Variants in LCN9 observed in about 807,000 individuals in gnomAD.
LCN9 encodes lipocalin 9.
LCN9 carries 22 observed loss-of-function variants against 18.5 expected under a neutral mutation model. The observed-to-expected ratio is 1.19, with a 90% confidence interval of 0.85 to 1.70. The LOEUF (loss-of-function observed/expected upper bound fraction) is 1.70, where lower values mean the gene tolerates loss of function less well. Among genes scored for constraint, LCN9 ranks in the 40% most tolerant of loss-of-function variants. The probability of loss-of-function intolerance (pLI) is 0.00; values close to 1 mark genes in which losing one functional copy is unlikely to be tolerated. For missense variants in LCN9, 202 were observed against 201.3 expected (o/e 1.00, Z -0.02); for synonymous variants, 89 against 83.0 (o/e 1.07, Z -0.39).
In LCN9 at chr9:135,665,737, G is replaced by A. The variant is rs201348412; in HGVS notation, c.468G>A (p.Ser156=). 412 of 1,613,478 alleles carry A rather than the reference G, an allele frequency of 2.6e-4. 1 individual carries two copies. Among genetic ancestry groups the A allele is most frequent in the Non-Finnish European group, 3.1e-4 (360 of 1,179,716 alleles). Residue 156 remains serine (S), a synonymous_variant, in exon 5 of 6, where the codon TCG becomes TCA. Transcript: ENST00000619315. This position sits in a 1 kb window ranked among gnomAD's most constrained non-coding sequence, Gnocchi z 5.9. ...CGGACTTGGCTCACAAAATATCATCGACTTGACCAACAAAGGTCAGCCCCA... is the reference window on the plus strand; with the variant it reads ...CGGACTTGGCTCACAAAATATCATCAACTTGACCAACAAAGGTCAGCCCCA...
In LCN9 at chr9:135,664,516, C is replaced by T. The variant is rs1301724522; in HGVS notation, c.234-206C>T. Among the ~76,000 whole-genome samples, 4 of 152,014 alleles carry T rather than the reference C, an allele frequency of 2.6e-5. No homozygotes were observed. The highest frequency in any genetic ancestry group is 2.1e-4 in the South Asian group (1 of 4,806). ...CTTCCCTGAAACATAGAGATGAAATCGCCCCCTTCCAAGGCTGGGGTGAGG... is the reference window on the plus strand; with the variant it reads ...CTTCCCTGAAACATAGAGATGAAATTGCCCCCTTCCAAGGCTGGGGTGAGG... On this transcript the variant is annotated intron_variant, in intron 2 of 5. Transcript: ENST00000619315. The surrounding 1 kb of genome is among the most constrained non-coding windows in gnomAD (Gnocchi z 4.5).
chr9:135,663,510 C>A (rs961250818), intron 1 of LCN9, 93 bp downstream of exon 1: 20 of 961,140 alleles, frequency 2.1e-5, no homozygotes, highest in Non-Finnish European at 2.9e-5. Flanking sequence ...ACCAGGGCAA[C>A]TGGTCCAAGG....
chr9:135,664,790 T>C lies in LCN9; in HGVS notation c.302T>C (p.Ile101Thr). Residue 101 changes from isoleucine (I) to threonine (T), a missense_variant, in exon 3 of 6, where the codon ATC becomes ACC. Physicochemically the swap from Ile to Thr is moderately conservative, Grantham distance 89 (BLOSUM62 -1). Coordinates refer to ENST00000619315, the Ensembl canonical transcript of LCN9. This position sits in a 1 kb window ranked among gnomAD's most constrained non-coding sequence, Gnocchi z 4.5. ...ACAGAGAAGAATGGGGAATACTCCA[T>C]CAACTGTAAGTGGAAGCCAGGCTCC... is the stretch of plus-strand genomic sequence containing the variant. The C allele has an allele frequency of 1.3e-6, 2 of 1,585,820 alleles. No individual in the cohort carries two copies. The highest frequency in any genetic ancestry group is 1.7e-6 in the Non-Finnish European group (2 of 1,166,272).
chr9:135,664,100 G>A lies in LCN9; in HGVS notation c.97-62G>A. On this transcript the variant is annotated intron_variant, in intron 1 of 5. Transcript: ENST00000619315. This position sits in a 1 kb window ranked among gnomAD's most constrained non-coding sequence, Gnocchi z 4.5. ...CCGGGCCCTGGGAGGGAAGACTGTGGGCGCTAAGCATCCCCAGGGCTGTCC... is the reference window on the plus strand; with the variant it reads ...CCGGGCCCTGGGAGGGAAGACTGTGAGCGCTAAGCATCCCCAGGGCTGTCC... 1 of 1,583,682 alleles carries A rather than the reference G, an allele frequency of 6.3e-7. No homozygotes were observed. The highest frequency in any genetic ancestry group is 8.6e-7 in the Non-Finnish European group (1 of 1,162,456).
chr9:135,663,733 G>A (rs1180213001), intron 1 of LCN9, among the ~76,000 whole-genome samples: 1 of 149,112 alleles, frequency 6.7e-6, no homozygotes, highest in Non-Finnish European at 1.5e-5. Flanking sequence ...AGAAGTATAG[G>A]GGAGACCTAG....
chr9:135,666,713 C>T lies in LCN9; in HGVS notation c.*862C>T, dbSNP rs185783384. 3.6e-3 allele frequency among the ~76,000 whole-genome samples: 553 copies of T among 152,248 alleles called. 4 individuals are homozygous for T. Among genetic ancestry groups the T allele is most frequent in the African/African-American group, 0.013 (529 of 41,540 alleles). On this transcript the variant is annotated 3_prime_UTR_variant, in exon 6 of 6. Transcript: ENST00000619315. ...TAAAGGAGTGGATGTACCTGTGGTG[C>T]GTGGTGGCCCCAAGATGCGGGTGAG...
Position 135,665,958 on chromosome 9 carries a change from G to A in LCN9, c.*107G>A. 6.2e-7 allele frequency: 1 copy of A among 1,601,396 alleles called. No individual in the cohort carries two copies. The highest frequency in any genetic ancestry group is 1.1e-5 in the South Asian group (1 of 90,272). On this transcript the variant is annotated 3_prime_UTR_variant, in exon 6 of 6. Coordinates refer to ENST00000619315, the Ensembl canonical transcript of LCN9. The surrounding 1 kb of genome is among the most constrained non-coding windows in gnomAD (Gnocchi z 5.9). ...GGGGGCTGGATGGGGAGAGCTTGGG[G>A]CCAACGTCAGAGGCTGCGGGGTCCC...
chr9:135,663,891 G>GGA (rs1834165168), intron 1 of LCN9, among the ~76,000 whole-genome samples: 1 of 129,402 alleles, frequency 7.7e-6, no homozygotes, highest in Non-Finnish European at 1.6e-5. Flanking sequence ...GGGACCTTGG[G>GGA]ATCAAAGGGG....
In LCN9 at chr9:135,665,360, C is replaced by T. The variant is rs1466329334; in HGVS notation, c.418+5C>T. 1 of 1,583,584 alleles carries T rather than the reference C, an allele frequency of 6.3e-7. No individual in the cohort carries two copies. ...CCCACACGCTGGCGCTCTATGGTAC[C>T]TCCGCTGTCCCCCTCTGACCCCCTC... On this transcript the variant is annotated splice_donor_5th_base_variant and intron_variant, in intron 4 of 5. Transcript: ENST00000619315. The surrounding 1 kb of genome is among the most constrained non-coding windows in gnomAD (Gnocchi z 5.9).
In LCN9 at chr9:135,665,571, G is replaced by A. The variant is rs376812216; in HGVS notation, c.419-117G>A. The A allele has an allele frequency of 3.0e-4, 313 of 1,039,062 alleles. No homozygotes were observed. The African/African-American group carries it at 4.2e-3, about 14-fold the overall frequency. 64.4% of individuals were successfully genotyped at this position (1,039,062 alleles called of 1,614,324 possible). A position where few individuals can be genotyped will look rare whatever the true frequency, so the allele number is the denominator to read the frequency against. On this transcript the variant is annotated intron_variant, in intron 4 of 5. Coordinates refer to ENST00000619315, the Ensembl canonical transcript of LCN9. This position sits in a 1 kb window ranked among gnomAD's most constrained non-coding sequence, Gnocchi z 5.9. Reference sequence around the variant, plus strand: ...CACAAAGCCCCTCTCTGGTCAGGGCGTGACCCCCTGCCCAGCCTCAGCACT... The same window carrying A: ...CACAAAGCCCCTCTCTGGTCAGGGCATGACCCCCTGCCCAGCCTCAGCACT...
chr9:135,665,739 C>T lies in LCN9; in HGVS notation c.470C>T (p.Thr157Ile), dbSNP rs1424358033. The change falls in exon 5 of 6, where the codon ACT becomes ATT. Residue 157 changes from threonine (T) to isoleucine (I), a missense_variant. Thr to Ile is a moderately conservative substitution (Grantham distance 89, BLOSUM62 -1). Transcript: ENST00000619315. The surrounding 1 kb of genome is among the most constrained non-coding windows in gnomAD (Gnocchi z 5.9). Reference sequence around the variant, plus strand: ...GACTTGGCTCACAAAATATCATCGACTTGACCAACAAAGGTCAGCCCCACT... The same window carrying T: ...GACTTGGCTCACAAAATATCATCGATTTGACCAACAAAGGTCAGCCCCACT... 4.3e-6 allele frequency: 7 copies of T among 1,613,454 alleles called. No homozygotes were observed. Among genetic ancestry groups the T allele is most frequent in the Non-Finnish European group, 5.9e-6 (7 of 1,179,742 alleles).
chr9:135,666,134 T>G, exon 6 of LCN9: 1 of 1,595,324 alleles, frequency 6.3e-7, no homozygotes, highest in Non-Finnish European at 8.5e-7. Context: ...TGGGGCCCTG[T>G]GTGAGTCTCC....
In LCN9 at chr9:135,665,257, A is replaced by G; in HGVS notation, c.320A>G (p.Asn107Ser). 1.3e-6 allele frequency: 2 copies of G among 1,595,398 alleles called. No homozygotes were observed. Among genetic ancestry groups the G allele is most frequent in the Non-Finnish European group, 1.7e-6 (2 of 1,170,922 alleles). The change falls in exon 4 of 6, where the codon AAC becomes AGC. Residue 107 changes from asparagine to serine, a missense_variant. Coordinates refer to ENST00000619315, the Ensembl canonical transcript of LCN9. This position sits in a 1 kb window ranked among gnomAD's most constrained non-coding sequence, Gnocchi z 5.9. ...TGTCTCCACGCAGATGAGGGCCAGA[A>G]CACAGTGGCCGTCTCGGAGACTGAC...
chr9:135,665,445 G>A lies in LCN9; in HGVS notation c.418+90G>A. The A allele has an allele frequency of 1.8e-6, 2 of 1,113,620 alleles. No individual in the cohort carries two copies. Among genetic ancestry groups the A allele is most frequent in the Non-Finnish European group, 2.7e-6 (2 of 754,612 alleles). The allele number at this position is 1,113,620 out of a possible 1,614,324, so 69.0% of individuals were successfully genotyped here. ...CTGGGCGGAGGAGGGTCTCGCAGTGGCCCTGGGGTTTGGAGAGGTGGTTCC... is the reference window on the plus strand; with the variant it reads ...CTGGGCGGAGGAGGGTCTCGCAGTGACCCTGGGGTTTGGAGAGGTGGTTCC... On this transcript the variant is annotated intron_variant, in intron 4 of 5. Coordinates refer to ENST00000619315, the Ensembl canonical transcript of LCN9. The surrounding 1 kb of genome is among the most constrained non-coding windows in gnomAD (Gnocchi z 5.9).
chr9:135,664,663 C>G lies in LCN9; in HGVS notation c.234-59C>G. ...TGCCCTGGAGGAGGGGTGCTCTCTG[C>G]CATCGCACGTCCAGGGGGCTGGAGC... On this transcript the variant is annotated intron_variant, in intron 2 of 5. Transcript: ENST00000619315. This position sits in a 1 kb window ranked among gnomAD's most constrained non-coding sequence, Gnocchi z 4.5. 2 of 1,431,206 alleles carry G rather than the reference C, an allele frequency of 1.4e-6. No individual in the cohort carries two copies. The highest frequency in any genetic ancestry group is 2.6e-5 in the South Asian group (2 of 76,170). The allele number at this position is 1,431,206 out of a possible 1,614,324, so 88.7% of individuals were successfully genotyped here.
rs754572321 is a variant in LCN9 at position 135,664,747 on chromosome 9, G to T, written c.259G>T (p.Val87Phe). 9 of 1,598,940 alleles carry T rather than the reference G, an allele frequency of 5.6e-6. No individual in the cohort carries two copies. The highest frequency in any genetic ancestry group is 7.7e-6 in the Non-Finnish European group (9 of 1,173,144). ...GGTGCAGGGGGAGTGTGTGGCTGTGGTCGTGGTCTGCGAGAAGACAGAGAA... is the reference window on the plus strand; with the variant it reads ...GGTGCAGGGGGAGTGTGTGGCTGTGTTCGTGGTCTGCGAGAAGACAGAGAA... Residue 87 changes from valine to phenylalanine, a missense_variant, in exon 3 of 6, where the codon GTC (valine) becomes TTC (phenylalanine). Physicochemically the swap from Val to Phe is conservative, Grantham distance 50 (BLOSUM62 -1). Coordinates refer to ENST00000619315, the Ensembl canonical transcript of LCN9. This position sits in a 1 kb window ranked among gnomAD's most constrained non-coding sequence, Gnocchi z 4.5.
chr9:135,663,388 G>C, exon 1 of LCN9: 1 of 1,613,956 alleles, frequency 6.2e-7, no homozygotes, highest in Non-Finnish European at 8.5e-7. Context: ...TCCCCACACC[G>C]TTATGCAGAG....
Position 135,665,655 on chromosome 9 carries a change from G to C in LCN9, c.419-33G>C. 12 of 1,598,968 alleles carry C rather than the reference G, an allele frequency of 7.5e-6. No individual in the cohort carries two copies. The highest frequency in any genetic ancestry group is 1.0e-5 in the Non-Finnish European group (12 of 1,171,456). On this transcript the variant is annotated intron_variant, in intron 4 of 5. Coordinates refer to ENST00000619315, the Ensembl canonical transcript of LCN9. The surrounding 1 kb of genome is among the most constrained non-coding windows in gnomAD (Gnocchi z 5.9). ...CAGAACCAACTCTGTTCCCAGCACG[G>C]GTCCCATAGCTGGAACCCTCCTTCC... is the stretch of plus-strand genomic sequence containing the variant.
intron 1 of LCN9, among the ~76,000 whole-genome samples, chr9:135,663,845 C>A (rs62579769): frequency 9.6e-5 from 9 of 93,398 alleles, no homozygotes; most frequent in Non-Finnish European, 1.5e-4. Context: ...GCAGAGGGGG[C>A]CCTGGAAGGG....
Sources: gnomAD v4.1 joint callset for allele counts (sites outside exome capture counted in the v4.1 genomes callset) on GRCh38, gnomAD v4.1.1 for gene constraint, Gnocchi (gnomAD v3.1) non-coding constraint, MANE v1.5 for transcripts, NCBI Gene and HGNC (gene_info 2026-07-23, HGNC 2026-07-21) for gene names.